The following CYP7B1 variants were observed in gnomAD, a reference collection of about 807,000 sequenced individuals.
CYP7B1 encodes cytochrome P450 family 7 subfamily B member 1, also known as cytochrome P450 7B1.
CYP7B1 carries 29 observed loss-of-function variants against 42.7 expected under a neutral mutation model. The ratio of observed to expected loss-of-function variants is 0.68; its 90% confidence interval spans 0.51 to 0.93. CYP7B1 has a LOEUF of 0.93. Among genes scored for constraint, CYP7B1 ranks in the 40% least tolerant of loss-of-function variants. The pLI, the probability that CYP7B1 is intolerant of heterozygous loss-of-function variation, is 0.00. For missense variants in CYP7B1, 655 were observed against 600.5 expected, an observed-to-expected ratio of 1.09 and a Z score of -0.95; for synonymous variants, 235 against 218.2, an observed-to-expected ratio of 1.08 and a Z score of -0.68.
intron 1 of CYP7B1, among the ~76,000 whole-genome samples, chr8:64,667,914 T>C (rs939837983): frequency 6.6e-6 from 1 of 152,226 alleles, no homozygotes; most frequent in African/African-American, 2.4e-5. Context: ...TTCATTTTAT[T>C]AAACAGGAAT....
intron 2 of CYP7B1, 102 bp from the exon 3 acceptor site, chr8:64,616,383 C>A: frequency 1.3e-6 from 1 of 788,086 alleles, no homozygotes; most frequent in Non-Finnish European, 2.0e-6. Flanking sequence ...TAGAAAGACC[C>A]TAATAACTAA....
chr8:64,747,253 C>T (rs1035181708), intron 1 of CYP7B1, among the ~76,000 whole-genome samples: 22 of 146,954 alleles, frequency 1.5e-4, no homozygotes, highest in African/African-American at 3.2e-4. Context: ...TAGTATTAAA[C>T]GTAGTATAAG....
At chr8:64,588,335 C>G (rs1346657689), downstream of CYP7B1, among the ~76,000 whole-genome samples, 1 of 152,170 alleles carries the variant, frequency 6.6e-6, no homozygotes, top group African/African-American at 2.4e-5. Context: ...AAAATGGTAT[C>G]ACTGGTTATA....
At chr8:64,606,441 A>G (rs1210462925) in intron 4 of CYP7B1, among the ~76,000 whole-genome samples, 2 of 152,228 alleles carry the variant, frequency 1.3e-5, no homozygotes, top group Non-Finnish European at 2.9e-5. Context: ...CATATGTAGC[A>G]ATGCTATTCA....
chr8:64,728,206 G>A (rs1364581675), intron 1 of CYP7B1: 1 of 152,216 alleles, frequency 6.6e-6, no homozygotes, highest in Non-Finnish European at 1.5e-5. Context: ...AGGATTTGGA[G>A]AGTTTAATTA....
intron 1 of CYP7B1, among the ~76,000 whole-genome samples, chr8:64,641,963 T>C (rs78274172): frequency 0.055 from 8,324 of 152,284 alleles, 349 homozygotes; most frequent in South Asian, 0.16. Context: ...GCCACTGAGT[T>C]ATTTGTTACT....
In CYP7B1 at chr8:64,596,687, C is replaced by T. The variant is rs372800597; in HGVS notation, c.1476G>A (p.Gln492=). The T allele has an allele frequency of 1.1e-5, 17 of 1,613,484 alleles. No homozygotes were observed. In the African/African-American group the frequency reaches 1.9e-4, roughly 18 times the overall value. The change falls in exon 6 of 6, where the codon CAG becomes CAA. Residue 492 remains glutamine (Q), a synonymous_variant. Coordinates refer to ENST00000310193, the MANE Select transcript of CYP7B1 (RefSeq NM_004820.5). ...LNYSRLLFGI[Q]YPDSDVLFRY... Reference sequence around the variant, plus strand: ...TAAATAAAACATCAGAATCTGGATACTGAATACCAAACAACAAGCGGCTGT... The same window carrying T: ...TAAATAAAACATCAGAATCTGGATATTGAATACCAAACAACAAGCGGCTGT...
intron 2 of CYP7B1, among the ~76,000 whole-genome samples, chr8:64,623,652 T>C (rs1021894812): frequency 6.6e-6 from 1 of 152,202 alleles, no homozygotes; most frequent in African/African-American, 2.4e-5. Flanking sequence ...ATTCTGCTGT[T>C]TTTTTCTTCA....
At chr8:64,690,249 A>G (rs1238371195) in intron 1 of CYP7B1, among the ~76,000 whole-genome samples, 1 of 152,158 alleles carries the variant, frequency 6.6e-6, no homozygotes, top group Non-Finnish European at 1.5e-5. Flanking sequence ...TAAAAATTAC[A>G]AAAATTAATC....
intron 1 of CYP7B1, among the ~76,000 whole-genome samples, chr8:64,684,980 T>G (rs1005198029): frequency 6.6e-6 from 1 of 152,126 alleles, no homozygotes; most frequent in Non-Finnish European, 1.5e-5. Flanking sequence ...ACACTGAATG[T>G]AAAATGGAGC....
intron 1 of CYP7B1, among the ~76,000 whole-genome samples, chr8:64,708,566 A>G (rs1204149297): frequency 6.6e-6 from 1 of 152,198 alleles, no homozygotes; most frequent in East Asian, 1.9e-4. Flanking sequence ...TTTATGTGCT[A>G]TGATATCAGC....
intron 1 of CYP7B1, among the ~76,000 whole-genome samples, chr8:64,699,360 C>T (rs900627371): frequency 2.0e-5 from 3 of 151,888 alleles, no homozygotes; most frequent in Non-Finnish European, 4.4e-5. Context: ...TATATAAACA[C>T]TTTTTTGAGT....
intron 5 of CYP7B1, among the ~76,000 whole-genome samples, chr8:64,602,955 G>GTAT (rs1489101208): frequency 1.3e-5 from 2 of 152,088 alleles, no homozygotes; most frequent in African/African-American, 4.8e-5. Context: ...TCTGTGCCAG[G>GTAT]TATTATCAGC....
chr8:64,674,960 C>T (rs578183708), intron 1 of CYP7B1, among the ~76,000 whole-genome samples: 1 of 152,040 alleles, frequency 6.6e-6, no homozygotes, highest in South Asian at 2.1e-4. Flanking sequence ...GGGCTTATCA[C>T]CGTGAATAGC....
At chr8:64,598,527 GC>G (rs1238316952) in intron 5 of CYP7B1, among the ~76,000 whole-genome samples, 2 of 152,156 alleles carry the variant, frequency 1.3e-5, no homozygotes, top group Non-Finnish European at 2.9e-5. Flanking sequence ...TCTCACTGTA[GC>G]CCCACTAGTT....
chr8:64,769,339 T>C (rs1804177654), intron 1 of CYP7B1, among the ~76,000 whole-genome samples: 1 of 152,142 alleles, frequency 6.6e-6, no homozygotes, highest in South Asian at 2.1e-4. Context: ...TAAGATTCAA[T>C]GAGAGTTGGA....
At chr8:64,750,727 T>G (rs957675076) in intron 1 of CYP7B1, among the ~76,000 whole-genome samples, 1 of 152,208 alleles carries the variant, frequency 6.6e-6, no homozygotes, top group Non-Finnish European at 1.5e-5. Context: ...AATACTGAGT[T>G]GAACTTGCTT....
chr8:64,776,606 C>T (rs1804330713), intron 1 of CYP7B1, among the ~76,000 whole-genome samples: 1 of 152,116 alleles, frequency 6.6e-6, no homozygotes, highest in Non-Finnish European at 1.5e-5. Context: ...AGAGGCATTA[C>T]TCAGATGTGC....
chr8:64,718,947 G>A (rs1017893289), intron 1 of CYP7B1, among the ~76,000 whole-genome samples: 43 of 152,208 alleles, frequency 2.8e-4, no homozygotes, highest in Admixed American at 2.3e-3. Context: ...AATCACGACT[G>A]AAATCATGGG....
Sources: gnomAD v4.1 joint callset for allele counts (sites outside exome capture counted in the v4.1 genomes callset) on GRCh38, gnomAD v4.1.1 for gene constraint, MANE v1.5 for transcripts, NCBI Gene and HGNC (gene_info 2026-07-23, HGNC 2026-07-21) for gene names.